The following KLHL5 variants were observed in gnomAD, a reference collection of about 807,000 sequenced individuals.
KLHL5 encodes the protein kelch-like protein 5.
Under a neutral mutation model 77.7 loss-of-function variants are expected in KLHL5, and 48 were observed. The observed-to-expected ratio is 0.62, with a 90% CI of 0.49 to 0.79. The LOEUF (loss-of-function observed/expected upper bound fraction) is 0.79. Ranked by LOEUF, KLHL5 falls within the 30% of genes least tolerant of loss-of-function variation. The probability of loss-of-function intolerance (pLI) is 0.00; values close to 1 mark genes in which losing one functional copy is unlikely to be tolerated. For synonymous variants in KLHL5, 260 were observed against 297.0 expected (o/e 0.88, Z 1.28); for missense variants, 723 against 859.7 (o/e 0.84, Z 1.99).
upstream of KLHL5, among the ~76,000 whole-genome samples, chr4:39,058,372 TC>T (rs1391463792): frequency 1.3e-5 from 2 of 152,166 alleles, no homozygotes; most frequent in African/African-American, 4.8e-5. Flanking sequence ...GTGGCTGTAA[TC>T]CTTGGACTTT....
At chr4:39,106,691 G>A (rs1475199353) in intron 7 of KLHL5, among the ~76,000 whole-genome samples, 1 of 152,148 alleles carries the variant, frequency 6.6e-6, no homozygotes. Flanking sequence ...TTAAATAGTA[G>A]CAATGTATGC....
At chr4:39,135,466 C>T in the KLHL5 span, 1 of 152,260 alleles carries the variant, frequency 6.6e-6, no homozygotes, top group South Asian at 2.1e-4. Context: ...AGCAGAGTGC[C>T]TCTCCCCTTC....
At chr4:39,048,406 G>C (rs1003023268) in intron 1 of KLHL5, among the ~76,000 whole-genome samples, 1 of 152,184 alleles carries the variant, frequency 6.6e-6, no homozygotes, top group African/African-American at 2.4e-5. Context: ...TTATGAGAAA[G>C]GGGTTTGCTG....
At chr4:39,115,057 C>A in intron 9 of KLHL5, 102 bp from the exon 10 acceptor site, 1 of 985,528 alleles carries the variant, frequency 1.0e-6, no homozygotes, top group Non-Finnish European at 1.5e-6. Flanking sequence ...TATTTGATTA[C>A]ATAGTAGATA....
intron 5 of KLHL5, chr4:39,093,420 A>C (rs1387043026): frequency 2.2e-6 from 1 of 455,994 alleles, no homozygotes; most frequent in South Asian, 1.5e-5. Context: ...TTTTATGGTA[A>C]TGGTTCCACA....
Position 39,123,554 on chromosome 4 carries a change from T to A in KLHL5, c.*2488T>A, listed in dbSNP as rs1205955100. Among the ~76,000 whole-genome samples the A allele has an allele frequency of 6.6e-6, 1 of 152,166 alleles. No individual in the cohort carries two copies. Among genetic ancestry groups the A allele is most frequent in the Non-Finnish European group, 1.5e-5 (1 of 68,024 alleles). ...AAAGAAATGCAGGGATGGTTCTACA[T>A]ACAAATGTCAATCGATGTAATAATA... is the stretch of plus-strand genomic sequence containing the variant. On this transcript the variant is annotated 3_prime_UTR_variant, in exon 11 of 11. Coordinates refer to ENST00000504108, the MANE Select transcript of KLHL5 (RefSeq NM_015990.5).
At chr4:39,054,893 C>G (rs1049420700) in intron 1 of KLHL5, among the ~76,000 whole-genome samples, 1 of 152,112 alleles carries the variant, frequency 6.6e-6, no homozygotes, top group Non-Finnish European at 1.5e-5. Context: ...TGAGTACTTA[C>G]CAGAAGTTGG....
At chr4:39,059,515 G>C (rs1717230655), upstream of KLHL5, among the ~76,000 whole-genome samples, 1 of 152,146 alleles carries the variant, frequency 6.6e-6, no homozygotes, top group African/African-American at 2.4e-5. Context: ...GGGAGGCCGA[G>C]GTGGGCCGCT....
intron 1 of KLHL5, among the ~76,000 whole-genome samples, chr4:39,053,646 C>T (rs1560402568): frequency 6.6e-6 from 1 of 152,012 alleles, no homozygotes; most frequent in African/African-American, 2.4e-5. Flanking sequence ...GAGTGGATAG[C>T]AAGGGAACCT....
intron 8 of KLHL5, among the ~76,000 whole-genome samples, chr4:39,111,761 T>C (rs781350715): frequency 6.6e-5 from 10 of 152,284 alleles, no homozygotes; most frequent in Non-Finnish European, 1.2e-4. Flanking sequence ...TTCCATACTA[T>C]TAATATAGTT....
intron 5 of KLHL5, among the ~76,000 whole-genome samples, chr4:39,090,529 A>G (rs1209432874): frequency 7.9e-5 from 12 of 151,194 alleles, no homozygotes. Context: ...TCTCACTGCA[A>G]CCTCTGCCTC....
At chr4:39,090,830 TCTCA>T (rs1720470393) in intron 5 of KLHL5, among the ~76,000 whole-genome samples, 1 of 151,742 alleles carries the variant, frequency 6.6e-6, no homozygotes, top group Non-Finnish European at 1.5e-5. Context: ...TGAGGCAGGG[TCTCA>T]CTCTATTTCC....
At chr4:39,050,403 A>G (rs1399330156) in intron 1 of KLHL5, among the ~76,000 whole-genome samples, 1 of 152,242 alleles carries the variant, frequency 6.6e-6, no homozygotes, top group Non-Finnish European at 1.5e-5. Context: ...AGCAACTGGC[A>G]CCAATAACAG....
chr4:39,122,973 T>G lies in KLHL5; in HGVS notation c.*1907T>G, dbSNP rs1160133821. Among the ~76,000 whole-genome samples, 2 of 152,178 alleles carry G rather than the reference T, an allele frequency of 1.3e-5. No individual in the cohort carries two copies. The highest frequency in any genetic ancestry group is 3.8e-4 in the East Asian group (2 of 5,200). On this transcript the variant is annotated 3_prime_UTR_variant, in exon 11 of 11. Coordinates refer to ENST00000504108, the MANE Select transcript of KLHL5 (RefSeq NM_015990.5). ...TTTAGGGAAGACTTTTGTTTAAATC[T>G]CTTATGGAATTTTACATGTTTTGAT...
chr4:39,087,101 G>A (rs1216266618), intron 5 of KLHL5, among the ~76,000 whole-genome samples: 1 of 151,796 alleles, frequency 6.6e-6, no homozygotes. Flanking sequence ...AGTAGCGATA[G>A]GGTTTCACCA....
downstream of KLHL5, among the ~76,000 whole-genome samples, chr4:39,128,566 T>C (rs887528750): frequency 6.6e-6 from 1 of 152,224 alleles, no homozygotes; most frequent in African/African-American, 2.4e-5. Flanking sequence ...AAATTAAAAA[T>C]GCCAGCCATT....
At chr4:39,099,655 A>G (rs1721373512) in intron 6 of KLHL5, among the ~76,000 whole-genome samples, 2 of 152,242 alleles carry the variant, frequency 1.3e-5, no homozygotes, top group Admixed American at 1.3e-4. Context: ...GAAATTATTC[A>G]CTCAAATCTC....
downstream of KLHL5, chr4:39,126,712 G>C: frequency 2.2e-6 from 1 of 455,922 alleles, no homozygotes. Flanking sequence ...ACATACTTTT[G>C]AGGACAGCAA....
chr4:39,080,082 G>A (rs1719469668), intron 2 of KLHL5, among the ~76,000 whole-genome samples: 1 of 152,098 alleles, frequency 6.6e-6, no homozygotes, highest in Non-Finnish European at 1.5e-5. Context: ...CCACTCCTGG[G>A]GAGGTAAGAA....
Sources: allele counts gnomAD v4.1 joint callset (sites outside exome capture counted in the v4.1 genomes callset), GRCh38; gene constraint gnomAD v4.1.1; transcripts MANE v1.5; gene names NCBI Gene and HGNC (gene_info 2026-07-23, HGNC 2026-07-21).